ASXL3: variants seen among roughly 807,000 people sequenced by gnomAD.
ASXL3 encodes the protein putative Polycomb group protein ASXL3.
Under a neutral mutation model 170.6 loss-of-function variants are expected in ASXL3, and 34 were observed. The observed-to-expected ratio is 0.20, with a 90% CI of 0.15 to 0.27. The LOEUF (loss-of-function observed/expected upper bound fraction) is 0.27, where lower values mean the gene tolerates loss of function less well. ASXL3 is among the 10% of genes least tolerant of loss of function. The pLI is 1.00. For missense variants in ASXL3, 2,592 were observed against 2,695.3 expected (o/e 0.96, Z 0.85); for synonymous variants, 1,002 against 989.1 (o/e 1.01, Z -0.24).
Position 33,745,274 on chromosome 18 carries a change from G to C in ASXL3, c.5426G>C (p.Gly1809Ala), listed in dbSNP as rs200383118. ...AGCTCTCCAAATCCAGATGGTAAGG[G>C]CTACTTGGCAGGGACTCTGGCACCA... is the stretch of plus-strand genomic sequence containing the variant. ...PPSSPNPDGKGYLAGTLAPLQ... is the reference protein window; with the variant it reads ...PPSSPNPDGKAYLAGTLAPLQ... The change falls in exon 12 of 12, where the codon GGC becomes GCC. Residue 1809 changes from glycine to alanine, a missense_variant. Gly to Ala is a moderately conservative substitution (Grantham distance 60, BLOSUM62 0). This residue lies in a region of ASXL3 where 2,246 missense variants were observed against 2,219.6 expected (regional missense o/e 1.01). Coordinates refer to ENST00000269197, the MANE Select transcript of ASXL3 (RefSeq NM_030632.3). 87 of 1,613,864 alleles carry C rather than the reference G, an allele frequency of 5.4e-5. No homozygotes were observed. The highest frequency in any genetic ancestry group is 6.6e-5 in the Non-Finnish European group (78 of 1,179,888).
At chr18:33,643,755 A>T (rs2065878658) in intron 2 of ASXL3, among the ~76,000 whole-genome samples, 1 of 151,938 alleles carries the variant, frequency 6.6e-6, no homozygotes, top group East Asian at 1.9e-4. Flanking sequence ...TTATGTCTTT[A>T]TCCTTGAAAT....
chr18:33,693,507 G>A (rs4799712), intron 8 of ASXL3, among the ~76,000 whole-genome samples: 104,373 of 152,024 alleles, frequency 0.69, 37,280 homozygotes, highest in East Asian at 0.98. Context: ...GTAGAAAGTG[G>A]GAGTTTTCCC....
chr18:33,616,414 G>C (rs2065423209), intron 2 of ASXL3, among the ~76,000 whole-genome samples: 1 of 151,668 alleles, frequency 6.6e-6, no homozygotes, highest in African/African-American at 2.4e-5. Flanking sequence ...GTGTGTGTGT[G>C]TGTGTGTGTG....
rs773195068 is a variant in ASXL3 at position 33,746,412 on chromosome 18, G to C, written c.6564G>C (p.Leu2188Phe). The change falls in exon 12 of 12, where the codon TTG becomes TTC. Residue 2188 changes from leucine (L) to phenylalanine (F), a missense_variant. Coordinates refer to ENST00000269197, the MANE Select transcript of ASXL3 (RefSeq NM_030632.3). The part of the protein sequence containing the change: ...LGSGSNPATG[L>F]SGQNAQMPVQ... Reference sequence around the variant, plus strand: ...GTGGCTCCAATCCTGCCACAGGCTTGTCTGGTCAGAACGCTCAGATGCCCG... The same window carrying C: ...GTGGCTCCAATCCTGCCACAGGCTTCTCTGGTCAGAACGCTCAGATGCCCG... The C allele has an allele frequency of 1.2e-6, 2 of 1,613,740 alleles. No homozygotes were observed. Among genetic ancestry groups the C allele is most frequent in the African/African-American group, 1.3e-5 (1 of 74,944 alleles).
rs115571726 is a variant in ASXL3 at position 33,671,674 on chromosome 18, C to T, written c.596-73C>T. Reference sequence around the variant, plus strand: ...AAAGGAGATTATATCTACAGTTCCTCAAACAATTTTAGATTTTTCTTTTCA... The same window carrying T: ...AAAGGAGATTATATCTACAGTTCCTTAAACAATTTTAGATTTTTCTTTTCA... On this transcript the variant is annotated intron_variant, in intron 6 of 11. Coordinates refer to ENST00000269197, the MANE Select transcript of ASXL3 (RefSeq NM_030632.3). 2.6e-4 allele frequency: 363 copies of T among 1,372,478 alleles called. 2 individuals are homozygous for T. The African/African-American group carries it at 4.9e-3, about 18-fold the overall frequency. The allele number at this position is 1,372,478 out of a possible 1,614,324, so 85.0% of individuals were successfully genotyped here.
chr18:33,596,521 A>G (rs2065128431), intron 1 of ASXL3, among the ~76,000 whole-genome samples: 2 of 152,212 alleles, frequency 1.3e-5, no homozygotes, highest in Admixed American at 6.5e-5. Flanking sequence ...ATTTCATATA[A>G]CAAAGTCATT....
chr18:33,578,488 GCC>G lies in ASXL3; in HGVS notation c.-143_-142del. The G allele has an allele frequency of 3.9e-6, 1 of 253,960 alleles. No homozygotes were observed. The highest frequency in any genetic ancestry group is 6.3e-6 in the Non-Finnish European group (1 of 158,416). The allele number at this position is 253,960 out of a possible 1,614,324, so 15.7% of individuals were successfully genotyped here. On this transcript the variant is annotated 5_prime_UTR_variant, in exon 1 of 12. Coordinates refer to ENST00000269197, the MANE Select transcript of ASXL3 (RefSeq NM_030632.3). ...CGCCGCCGCCGCCGCCGCCGCCGCC[GCC>G]GCCGCCGCCACCGCCCGCGCGCCTC...
At chr18:33,647,089 GTAGT>G (rs766993463) in intron 4 of ASXL3, among the ~76,000 whole-genome samples, 3 of 151,802 alleles carry the variant, frequency 2.0e-5, no homozygotes, top group Non-Finnish European at 4.4e-5. Context: ...AGAAAACTGT[GTAGT>G]TAAAGTCTCT....
chr18:33,592,450 C>T (rs1211323158), intron 1 of ASXL3, among the ~76,000 whole-genome samples: 2 of 152,062 alleles, frequency 1.3e-5, no homozygotes, highest in Non-Finnish European at 1.5e-5. Context: ...TAGGCATAAC[C>T]GTTTTTGTTT....
rs2064961663 is a variant in ASXL3, at chr18:33,578,416, C to T, written c.-216C>T. Reference sequence around the variant, plus strand: ...GCGCCGCCGCCGCCGCCGTCGCGCGCCCCCACCCACTCCACCCCACCCCCT... The same window carrying T: ...GCGCCGCCGCCGCCGCCGTCGCGCGTCCCCACCCACTCCACCCCACCCCCT... On this transcript the variant is annotated 5_prime_UTR_variant, in exon 1 of 12. Transcript: ENST00000269197. 1.0e-5 allele frequency: 1 copy of T among 97,000 alleles called. No individual in the cohort carries two copies. Among genetic ancestry groups the T allele is most frequent in the Non-Finnish European group, 2.1e-5 (1 of 47,064 alleles). 6.0% of individuals were successfully genotyped at this position (97,000 alleles called of 1,614,324 possible). A position where few individuals can be genotyped will look rare whatever the true frequency, so the allele number is the denominator to read the frequency against.
rs779643411 is a variant in ASXL3, at chr18:33,740,054, T to A, written c.2650T>A (p.Ser884Thr). The A allele has an allele frequency of 4.3e-6, 7 of 1,613,816 alleles. No homozygotes were observed. Among genetic ancestry groups the A allele is most frequent in the Non-Finnish European group, 5.9e-6 (7 of 1,179,876 alleles). The change falls in exon 11 of 12, where the codon TCT becomes ACT. Residue 884 changes from serine (S) to threonine (T), a missense_variant. Ser to Thr is a moderately conservative substitution (Grantham distance 58). Transcript: ENST00000269197. ...KKVLPSPLEL[S>T]VFSEGTDNKG... is the part of the protein sequence containing the mutation. The stretch of plus-strand genomic sequence containing the variant: ...AGTGTTACCTTCACCATTGGAATTA[T>A]CTGTCTTTTCTGAAGGGACAGATAA...
intron 8 of ASXL3, among the ~76,000 whole-genome samples, chr18:33,703,557 C>T (rs755590058): frequency 1.5e-4 from 23 of 152,038 alleles, no homozygotes; most frequent in Non-Finnish European, 2.9e-4. Flanking sequence ...CTTTGGAACT[C>T]GAAGTTGGAA....
chr18:33,728,093 C>T (rs548837138), intron 8 of ASXL3, among the ~76,000 whole-genome samples: 1 of 152,056 alleles, frequency 6.6e-6, no homozygotes, highest in Non-Finnish European at 1.5e-5. Context: ...TAATCATGCC[C>T]CTGGCTTGGT....
At chr18:33,590,111 G>GTTTTTTTTTTTTTTTTTTTTT (rs567969303) in intron 1 of ASXL3, among the ~76,000 whole-genome samples, 81 of 83,144 alleles carry the variant, frequency 9.7e-4, no homozygotes, top group Middle Eastern at 6.0e-3. Flanking sequence ...TGCTTTCTAT[G>GTTTTTTTTTTTTTTTTTTTTT]TTTTTTTTTT....
intron 1 of ASXL3, among the ~76,000 whole-genome samples, chr18:33,583,295 C>T (rs1370904054): frequency 6.6e-6 from 1 of 152,060 alleles, no homozygotes; most frequent in East Asian, 1.9e-4. Context: ...TTGGGTCACT[C>T]CAAAGGTACA....
chr18:33,738,224 A>C (rs1436528410), intron 10 of ASXL3, among the ~76,000 whole-genome samples: 1 of 152,162 alleles, frequency 6.6e-6, no homozygotes, highest in African/African-American at 2.4e-5. Flanking sequence ...TCCTTTACTA[A>C]CACTTGGTAA....
rs570617651 is a variant in ASXL3 at position 33,644,796 on chromosome 18, T to A, written c.138-98T>A. 2.8e-5 allele frequency: 19 copies of A among 671,612 alleles called. 1 individual carries two copies. The South Asian group carries it at 4.0e-4, about 14-fold the overall frequency. The allele number at this position is 671,612 out of a possible 1,614,324, so 41.6% of individuals were successfully genotyped here. On this transcript the variant is annotated intron_variant, in intron 2 of 11. Transcript: ENST00000269197. The stretch of plus-strand genomic sequence containing the variant: ...AGAGGTCTTTTTTTAATTATTTTTT[T>A]ATTTTTTTTAAGAGAGAGCGAGCGA...
At chr18:33,611,065 G>A (rs1449079191) in intron 2 of ASXL3, among the ~76,000 whole-genome samples, 1 of 152,024 alleles carries the variant, frequency 6.6e-6, no homozygotes, top group Non-Finnish European at 1.5e-5. Context: ...TGACTGAGGT[G>A]AAATTTGACA....
chr18:33,748,866 C>G lies in ASXL3; in HGVS notation c.*2271C>G, dbSNP rs2145442676. The G allele has an allele frequency of 6.6e-6, 1 of 152,298 alleles. No individual in the cohort carries two copies. The highest frequency in any genetic ancestry group is 1.5e-5 in the Non-Finnish European group (1 of 68,026). 9.4% of individuals were successfully genotyped at this position (152,298 alleles called of 1,614,324 possible). Reference sequence around the variant, plus strand: ...CTCCAGTCTACAGAACCTTTGCACTCAGTATGTGAGGTACAATTGAGGCTG... The same window carrying G: ...CTCCAGTCTACAGAACCTTTGCACTGAGTATGTGAGGTACAATTGAGGCTG... On this transcript the variant is annotated 3_prime_UTR_variant, in exon 12 of 12. Transcript: ENST00000269197.
Sources: allele counts gnomAD v4.1 joint callset (sites outside exome capture counted in the v4.1 genomes callset), GRCh38; gene constraint gnomAD v4.1.1; regional missense constraint gnomAD v4.1.1; transcripts MANE v1.5; gene names NCBI Gene and HGNC (gene_info 2026-07-23, HGNC 2026-07-21).